The following MYO9B variants were observed in gnomAD, a reference collection of about 807,000 sequenced individuals.
MYO9B encodes the protein myosin IXB.
Under a neutral mutation model 229.5 loss-of-function variants are expected in MYO9B, and 71 were observed. The ratio of observed to expected loss-of-function variants is 0.31; its 90% CI spans 0.26 to 0.38. The LOEUF (loss-of-function observed/expected upper bound fraction) is 0.38, where lower values mean the gene tolerates loss of function less well. MYO9B is among the 10% of genes least tolerant of loss of function. The probability of loss-of-function intolerance (pLI) is 1.00; values close to 1 mark genes in which losing one functional copy is unlikely to be tolerated. For synonymous variants in MYO9B, 1,185 were observed against 1,235.8 expected (o/e 0.96, Z 0.86); for missense variants, 2,255 against 2,920.5 (o/e 0.77, Z 5.25).
intron 1 of MYO9B, among the ~76,000 whole-genome samples, chr19:17,094,976 T>C (rs538468985): frequency 2.7e-5 from 4 of 150,220 alleles, no homozygotes; most frequent in Admixed American, 6.6e-5. Flanking sequence ...CAGTGGCTCA[T>C]GCCTGTAATT....
chr19:17,120,420 A>G (rs2057951056), intron 2 of MYO9B, among the ~76,000 whole-genome samples: 1 of 152,132 alleles, frequency 6.6e-6, no homozygotes, highest in South Asian at 2.1e-4. Context: ...AGGCGGGAAG[A>G]TTGCTTGAGG....
At position 17,142,814 on chromosome 19, in the gene MYO9B, T is replaced by C. The variant is rs182651131; in HGVS notation, c.841-2583T>C. On this transcript the variant is annotated intron_variant, in intron 2 of 39. Transcript: ENST00000682292. ...CATTTACAAATGTGAAAACCATTCTTGGCTCGCAGGCGATTAAAAAAACAA... is the reference window on the plus strand; with the variant it reads ...CATTTACAAATGTGAAAACCATTCTCGGCTCGCAGGCGATTAAAAAAACAA... Among the ~76,000 whole-genome samples, 21 of 152,306 alleles carry C rather than the reference T, an allele frequency of 1.4e-4. No homozygotes were observed. In the East Asian group the frequency reaches 3.9e-3, roughly 28 times the overall value.
At position 17,194,621 on chromosome 19, in the gene MYO9B, C is replaced by T. The variant is rs2073020663; in HGVS notation, c.3194C>T (p.Ala1065Val). ...AAGGAGAGGGAAGCCCTGGAAGCCGCAAGAGCAGGTGCTGAGGAGGGCGGA... is the reference window on the plus strand; with the variant it reads ...AAGGAGAGGGAAGCCCTGGAAGCCGTAAGAGCAGGTGCTGAGGAGGGCGGA... Reference protein sequence around the residue: ...EEKEREALEAARAGAEEGGQG... With the variant: ...EEKEREALEAVRAGAEEGGQG... The change falls in exon 22 of 40, where the codon GCA (alanine) becomes GTA (valine). Residue 1065 changes from alanine (A) to valine (V), a missense_variant. Physicochemically the swap from Ala to Val is moderately conservative, Grantham distance 64. This residue lies in a region of MYO9B where 679 missense variants were observed against 770.2 expected (regional missense o/e 0.88). Coordinates refer to ENST00000682292, the MANE Select transcript of MYO9B (RefSeq NM_004145.4). 1 of 1,612,912 alleles carries T rather than the reference C, an allele frequency of 6.2e-7. No homozygotes were observed. The highest frequency in any genetic ancestry group is 1.1e-5 in the South Asian group (1 of 91,088).
chr19:17,097,415 C>A (rs1371351981), intron 1 of MYO9B, among the ~76,000 whole-genome samples: 1 of 151,926 alleles, frequency 6.6e-6, no homozygotes, highest in Admixed American at 6.6e-5. Flanking sequence ...ATAAACCAGG[C>A]TCTCAAAGCT....
At position 17,180,838 on chromosome 19, in the gene MYO9B, C is replaced by T. The variant is rs1201584207; in HGVS notation, c.2220-89C>T. The T allele has an allele frequency of 6.1e-6, 5 of 824,750 alleles. No individual in the cohort carries two copies. In the Admixed American group the frequency reaches 9.3e-5, roughly 15 times the overall value. 51.1% of individuals were successfully genotyped at this position (824,750 alleles called of 1,614,324 possible). On this transcript the variant is annotated intron_variant, in intron 14 of 39. Transcript: ENST00000682292. ...TTGGCTTCAGTGGCCTGGGGATGGTCCCAATGGCGCTGGGAACCCCGAGGT... is the reference window on the plus strand; with the variant it reads ...TTGGCTTCAGTGGCCTGGGGATGGTTCCAATGGCGCTGGGAACCCCGAGGT...
At chr19:17,096,989 C>T (rs2057699537) in intron 1 of MYO9B, among the ~76,000 whole-genome samples, 1 of 112,548 alleles carries the variant, frequency 8.9e-6, no homozygotes, top group African/African-American at 2.7e-5. Context: ...CACGCCCGGC[C>T]TGTTGTTGCT....
At chr19:17,210,588 T>C in intron 37 of MYO9B, 127 bp from the exon 38 acceptor site, 1 of 1,310,642 alleles carries the variant, frequency 7.6e-7, no homozygotes, top group Non-Finnish European at 1.0e-6. Context: ...ATGGGATTCC[T>C]AGAGAAGTCT....
chr19:17,203,879 G>A (rs532027770), intron 30 of MYO9B, among the ~76,000 whole-genome samples: 1 of 152,100 alleles, frequency 6.6e-6, no homozygotes, highest in East Asian at 1.9e-4. Context: ...GCTCCTCACG[G>A]TCCCTCCCCT....
At chr19:17,107,688 C>T (rs2057805499) in intron 2 of MYO9B, among the ~76,000 whole-genome samples, 1 of 152,202 alleles carries the variant, frequency 6.6e-6, no homozygotes, top group Admixed American at 6.5e-5. Context: ...GGCCTGTGGC[C>T]ACGTCACATC....
intron 8 of MYO9B, among the ~76,000 whole-genome samples, chr19:17,161,216 T>A (rs1374637843): frequency 1.4e-5 from 2 of 147,928 alleles, no homozygotes; most frequent in African/African-American, 2.5e-5. Flanking sequence ...CCCCACCCCC[T>A]CCCCGAGCCC....
Position 17,192,988 on chromosome 19 carries a change from G to T in MYO9B, c.3054G>T (p.Arg1018=). 6.6e-7 allele frequency: 1 copy of T among 1,517,984 alleles called. No homozygotes were observed. The allele number at this position is 1,517,984 out of a possible 1,614,324, so 94.0% of individuals were successfully genotyped here. The change falls in exon 21 of 40, where the codon CGG becomes CGT. Residue 1018 remains arginine (R), a synonymous_variant. Coordinates refer to ENST00000682292, the MANE Select transcript of MYO9B (RefSeq NM_004145.4). ...LQASWRGYWQ[R]KLYRHQKQSI... ...CCTCATGGAGGGGCTACTGGCAGCG[G>T]AAGCTCTACCGGCACCAGAAACAGA...
In MYO9B at chr19:17,154,431, C is replaced by G. The variant is rs201897134; in HGVS notation, c.1199+16C>G. ...CCAAGAAGCAGTAAGTGTGCGGGCT[C>G]CCGGGGCCTGTCCCCCAGAGCCTAC... On this transcript the variant is annotated intron_variant, in intron 6 of 39. Coordinates refer to ENST00000682292, the MANE Select transcript of MYO9B (RefSeq NM_004145.4). 3 of 1,598,534 alleles carry G rather than the reference C, an allele frequency of 1.9e-6. No individual in the cohort carries two copies. Among genetic ancestry groups the G allele is most frequent in the Non-Finnish European group, 2.6e-6 (3 of 1,169,714 alleles).
intron 26 of MYO9B, 72 bp from the exon 27 acceptor site, chr19:17,201,854 C>G: frequency 2.7e-6 from 3 of 1,121,382 alleles, no homozygotes; most frequent in Non-Finnish European, 4.0e-6. Flanking sequence ...AGAAGTGACC[C>G]CTTGGGCACC....
At chr19:17,122,409 T>G (rs2145131552) in intron 2 of MYO9B, among the ~76,000 whole-genome samples, 1 of 152,010 alleles carries the variant, frequency 6.6e-6, no homozygotes, top group Admixed American at 6.5e-5. Context: ...TGTGGTGGCA[T>G]GCACCTGTAA....
intron 3 of MYO9B, among the ~76,000 whole-genome samples, chr19:17,149,938 A>G (rs891001723): frequency 6.6e-6 from 1 of 152,200 alleles, no homozygotes; most frequent in Non-Finnish European, 1.5e-5. Flanking sequence ...TTCCTCCTAG[A>G]AACGGACACA....
chr19:17,134,520 T>G (rs1249745506), intron 2 of MYO9B, among the ~76,000 whole-genome samples: 1 of 150,664 alleles, frequency 6.6e-6, no homozygotes, highest in Non-Finnish European at 1.5e-5. Context: ...GCCTCCCCTG[T>G]AGCTGGGATT....
intron 2 of MYO9B, among the ~76,000 whole-genome samples, chr19:17,124,045 A>T (rs4808572): frequency 0.013 from 2,044 of 151,910 alleles, 32 homozygotes; most frequent in African/African-American, 0.04. Flanking sequence ...ACCACCATCA[A>T]GTCTGGCTAA....
intron 20 of MYO9B, among the ~76,000 whole-genome samples, chr19:17,192,299 AAG>A (rs1491354503): frequency 2.7e-5 from 4 of 150,044 alleles, no homozygotes; most frequent in Non-Finnish European, 4.4e-5. Context: ...AAAAAAAAAA[AAG>A]GGGGGGCCAC....
chr19:17,180,799 C>G (rs975433119), intron 14 of MYO9B, 128 bp from the exon 15 acceptor site: 5 of 608,716 alleles, frequency 8.2e-6, no homozygotes, highest in Non-Finnish European at 1.5e-5. Context: ...GTGTCTTTCC[C>G]CCAGCTGCAT....
Sources: gnomAD v4.1 joint callset for allele counts (sites outside exome capture counted in the v4.1 genomes callset) on GRCh38, gnomAD v4.1.1 for gene constraint, gnomAD v4.1.1 regional missense constraint, MANE v1.5 for transcripts, NCBI Gene and HGNC (gene_info 2026-07-23, HGNC 2026-07-21) for gene names.